Variants in SLC12A6 observed in about 807,000 individuals in gnomAD.
The protein encoded by SLC12A6 is K-Cl cotransporter 3.
SLC12A6 carries 66 observed loss-of-function variants against 135.3 expected under a neutral mutation model. That is an observed-to-expected ratio of 0.49 (90% CI 0.40 to 0.60). The LOEUF (loss-of-function observed/expected upper bound fraction) is 0.60, where lower values mean the gene tolerates loss of function less well. SLC12A6 is among the 20% of genes least tolerant of loss of function. The pLI is 0.00. For synonymous variants in SLC12A6, 513 were observed against 508.8 expected, an observed-to-expected ratio of 1.01 and a Z score of -0.11; for missense variants, 1,058 against 1,452.3, an observed-to-expected ratio of 0.73 and a Z score of 4.41.
chr15:34,241,321 C>T lies in SLC12A6; in HGVS notation c.2179G>A (p.Gly727Ser). The T allele has an allele frequency of 6.3e-7, 1 of 1,595,228 alleles. No individual in the cohort carries two copies. Among genetic ancestry groups the T allele is most frequent in the Non-Finnish European group, 8.6e-7 (1 of 1,162,776 alleles). ...IEYQGAEKEWGDGIRGLSLSA... is the reference protein window; with the variant it reads ...IEYQGAEKEWSDGIRGLSLSA... ...AGGGACAGCCCACGGATACCATCAC[C>T]CCATTCTTTCTCAGCTCTGTGAGAA... Residue 727 changes from glycine to serine, a missense_variant, in exon 18 of 26, where the codon GGT becomes AGT. Coordinates refer to ENST00000354181, the MANE Select transcript of SLC12A6 (RefSeq NM_001365088.1).
At chr15:34,319,910 T>C (rs1037513173) in intron 2 of SLC12A6, among the ~76,000 whole-genome samples, 5 of 152,088 alleles carry the variant, frequency 3.3e-5, no homozygotes, top group Admixed American at 3.3e-4. Flanking sequence ...AGAAAATCCC[T>C]TTAAGTGGCG....
At chr15:34,332,924 G>C (rs56040505) in intron 2 of SLC12A6, among the ~76,000 whole-genome samples, 6,206 of 152,244 alleles carry the variant, frequency 0.041, 163 homozygotes, top group Non-Finnish European at 0.064. Context: ...AAGAGCACTA[G>C]ATAAAAGTCA....
At chr15:34,266,008 C>CTTTTT (rs34173980) in intron 3 of SLC12A6, among the ~76,000 whole-genome samples, 3 of 102,320 alleles carry the variant, frequency 2.9e-5, no homozygotes, top group African/African-American at 7.6e-5. Context: ...ATACAGAAAG[C>CTTTTT]TTTTTTTTTT....
rs1890836215 is a variant in SLC12A6, at chr15:34,230,283, A to G, written c.*3598T>C. 1 of 156,402 alleles carries G rather than the reference A, an allele frequency of 6.4e-6. No individual in the cohort carries two copies. Among genetic ancestry groups the G allele is most frequent in the South Asian group, 2.0e-4 (1 of 5,126 alleles). The allele number at this position is 156,402 out of a possible 1,614,324, so 9.7% of individuals were successfully genotyped here. On this transcript the variant is annotated 3_prime_UTR_variant, in exon 26 of 26. Coordinates refer to ENST00000354181, the MANE Select transcript of SLC12A6 (RefSeq NM_001365088.1). ...TAATGCTGAATTCAGCTTATACATG[A>G]TGAAAAGAAAAACCAGACAAAAGGA... is the stretch of plus-strand genomic sequence containing the variant.
At chr15:34,305,202 T>C (rs1941796688) in intron 2 of SLC12A6, among the ~76,000 whole-genome samples, 1 of 152,130 alleles carries the variant, frequency 6.6e-6, no homozygotes, top group African/African-American at 2.4e-5. Flanking sequence ...GATATCCCTA[T>C]GTATGTGTTT....
intron 2 of SLC12A6, among the ~76,000 whole-genome samples, chr15:34,282,610 G>A (rs1352456406): frequency 6.6e-6 from 1 of 152,012 alleles, no homozygotes; most frequent in Non-Finnish European, 1.5e-5. Context: ...AAAATTAGCT[G>A]GGTGTGGTGG....
At chr15:34,262,828 C>A (rs1566822865) in intron 3 of SLC12A6, among the ~76,000 whole-genome samples, 1 of 152,194 alleles carries the variant, frequency 6.6e-6, no homozygotes, top group African/African-American at 2.4e-5. Context: ...ACTCCCTCAC[C>A]CCCTCCCACC....
chr15:34,308,746 A>C (rs1887939052), intron 2 of SLC12A6, among the ~76,000 whole-genome samples: 1 of 152,202 alleles, frequency 6.6e-6, no homozygotes, highest in Admixed American at 6.5e-5. Context: ...TCTATGCGAA[A>C]TAAAAAAGCA....
chr15:34,265,312 C>T (rs1474869371), intron 3 of SLC12A6, among the ~76,000 whole-genome samples: 1 of 151,358 alleles, frequency 6.6e-6, no homozygotes, highest in Non-Finnish European at 1.5e-5. Context: ...AGAGATATAG[C>T]AGTGGACATG....
chr15:34,332,782 C>CAA (rs555186537), intron 2 of SLC12A6, among the ~76,000 whole-genome samples: 1,738 of 103,236 alleles, frequency 0.017, 13 homozygotes, highest in Middle Eastern at 0.068. Context: ...GACTTTGCCT[C>CAA]AAAAAAAAAA....
At chr15:34,241,434 G>T in intron 17 of SLC12A6, 97 bp from the exon 18 acceptor site, 1 of 704,248 alleles carries the variant, frequency 1.4e-6, no homozygotes, top group Non-Finnish European at 2.5e-6. Context: ...TCACACATGT[G>T]CAAGGTAGAA....
In SLC12A6 at chr15:34,231,587, TC is replaced by T. The variant is rs1268468130; in HGVS notation, c.*2293del. 0.06 allele frequency: 7,193 copies of T among 119,210 alleles called. 234 individuals are homozygous for T. The highest frequency in any genetic ancestry group is 0.092 in the Middle Eastern group (17 of 184). 7.4% of individuals were successfully genotyped at this position (119,210 alleles called of 1,614,324 possible). A position where few individuals can be genotyped will look rare whatever the true frequency, so the allele number is the denominator to read the frequency against. ...ATCAAAATTACTCAATTTCTTTCTT[TC>T]TTTCTTTTTTTTTTTTTTTGAGATG... On this transcript the variant is annotated 3_prime_UTR_variant, in exon 26 of 26. Coordinates refer to ENST00000354181, the MANE Select transcript of SLC12A6 (RefSeq NM_001365088.1).
intron 2 of SLC12A6, among the ~76,000 whole-genome samples, chr15:34,302,462 G>A (rs1459199507): frequency 1.3e-5 from 2 of 152,154 alleles, no homozygotes; most frequent in African/African-American, 2.4e-5. Flanking sequence ...TTGGGAGGCC[G>A]AGGCGGGTGG....
intron 16 of SLC12A6, 146 bp downstream of exon 16, chr15:34,243,828 A>G (rs1891808696): frequency 3.0e-6 from 2 of 675,246 alleles, no homozygotes; most frequent in East Asian, 5.2e-5. Flanking sequence ...GAGGATGAGG[A>G]TTCAGATAAG....
At chr15:34,302,554 G>T (rs1370023437) in intron 2 of SLC12A6, among the ~76,000 whole-genome samples, 2 of 152,172 alleles carry the variant, frequency 1.3e-5, no homozygotes, top group Admixed American at 1.3e-4. Context: ...AATTAGCCAG[G>T]TGTGGTGGCG....
intron 24 of SLC12A6, 81 bp from the exon 25 acceptor site, chr15:34,235,395 G>T: frequency 9.0e-7 from 1 of 1,115,392 alleles, no homozygotes; most frequent in Non-Finnish European, 1.4e-6. Context: ...GAGATCCTGA[G>T]CTTTTTCACT....
intron 2 of SLC12A6, among the ~76,000 whole-genome samples, chr15:34,316,103 G>A (rs764695236): frequency 6.1e-5 from 9 of 148,596 alleles, no homozygotes; most frequent in Non-Finnish European, 1.2e-4. Flanking sequence ...CATCTGTCCC[G>A]TTCAAATAAA....
rs1270132399 is a variant in SLC12A6, at chr15:34,230,443, TAG to T, written c.*3436_*3437del. The T allele has an allele frequency of 6.6e-6, 1 of 152,364 alleles. No individual in the cohort carries two copies. The highest frequency in any genetic ancestry group is 1.5e-5 in the Non-Finnish European group (1 of 68,108). The allele number at this position is 152,364 out of a possible 1,614,324, so 9.4% of individuals were successfully genotyped here. On this transcript the variant is annotated 3_prime_UTR_variant, in exon 26 of 26. Transcript: ENST00000354181. ...GGAATCTGAGGCAACGGAAGATATA[TAG>T]AGTGATCGTCCCCCTGCCGAAGGAA...
intron 2 of SLC12A6, among the ~76,000 whole-genome samples, chr15:34,284,799 T>A (rs941389406): frequency 2.6e-5 from 4 of 151,992 alleles, no homozygotes; most frequent in Admixed American, 6.6e-5. Flanking sequence ...AGAGGACTAG[T>A]GGGAGAGTGG....
Sources: gnomAD v4.1 joint callset for allele counts (sites outside exome capture counted in the v4.1 genomes callset) on GRCh38, gnomAD v4.1.1 for gene constraint, MANE v1.5 for transcripts, NCBI Gene and HGNC (gene_info 2026-07-23, HGNC 2026-07-21) for gene names.